SEC14L3: variants seen among roughly 807,000 people sequenced by gnomAD.
The protein encoded by SEC14L3 is SEC14-like protein 3.
A neutral mutation model predicts 57.4 loss-of-function variants in SEC14L3; 56 were observed. The ratio of observed to expected loss-of-function variants is 0.97; its 90% confidence interval spans 0.79 to 1.22. SEC14L3 has a LOEUF of 1.22. Among genes scored for constraint, SEC14L3 ranks in the 50% most tolerant of loss-of-function variants. The probability of loss-of-function intolerance (pLI) is 0.00; values close to 1 mark genes in which losing one functional copy is unlikely to be tolerated. For missense variants in SEC14L3, 485 were observed against 511.7 expected, an observed-to-expected ratio of 0.95 and a Z score of 0.50; for synonymous variants, 173 against 194.4, an observed-to-expected ratio of 0.89 and a Z score of 0.92.
At position 30,462,195 on chromosome 22, in the gene SEC14L3, G is replaced by A. The variant is rs1325693058; in HGVS notation, c.665-3C>T. On this transcript the variant is annotated splice_region_variant and splice_polypyrimidine_tract_variant and intron_variant, in intron 8 of 11. Coordinates refer to ENST00000215812, the MANE Select transcript of SEC14L3 (RefSeq NM_174975.5). ...CAGCAAACCTTCCTTCCAGTTATCT[G>A]GGAGCAGTGGGATTCAAGGGTGGTT... 3 of 1,611,132 alleles carry A rather than the reference G, an allele frequency of 1.9e-6. No individual in the cohort carries two copies. Among genetic ancestry groups the A allele is most frequent in the Non-Finnish European group, 8.5e-7 (1 of 1,178,570 alleles).
At chr22:30,465,224 C>A (rs1935381300) in intron 7 of SEC14L3, among the ~76,000 whole-genome samples, 1 of 152,124 alleles carries the variant, frequency 6.6e-6, no homozygotes, top group African/African-American at 2.4e-5. Context: ...ACCAACTATG[C>A]AACAAACCAA....
chr22:30,448,895 AAAAC>A (rs970300911), exon 13 of SEC14L3: 30 of 581,648 alleles, frequency 5.2e-5, no homozygotes, highest in Non-Finnish European at 7.5e-5. Context: ...CTGTCTCTAA[AAAAC>A]AAACAAACAA....
At chr22:30,448,797 G>C (rs1200297518) in exon 13 of SEC14L3, 2 of 317,844 alleles carry the variant, frequency 6.3e-6, no homozygotes, top group African/African-American at 4.2e-5. Flanking sequence ...GAGGCTGAGA[G>C]GGGAGAATCA....
chr22:30,466,262 G>C, intron 7 of SEC14L3, 72 bp downstream of exon 7: 1 of 1,422,166 alleles, frequency 7.0e-7, no homozygotes, highest in East Asian at 2.3e-5. Flanking sequence ...CTGGGACAAA[G>C]ACAGTGTTAT....
At position 30,459,835 on chromosome 22, in the gene SEC14L3, G is replaced by A; in HGVS notation, c.*186C>T. On this transcript the variant is annotated 3_prime_UTR_variant, in exon 12 of 12. Transcript: ENST00000215812. ...TTCTGCAACCTTGGTACCCTCCAAG[G>A]TTGTGCCTCTCATACCTTTCTTGAT... is the stretch of plus-strand genomic sequence containing the variant. The A allele has an allele frequency of 7.5e-7, 1 of 1,327,414 alleles. No individual in the cohort carries two copies. The highest frequency in any genetic ancestry group is 2.1e-5 in the South Asian group (1 of 47,146). The allele number at this position is 1,327,414 out of a possible 1,614,324, so 82.2% of individuals were successfully genotyped here. A position where few individuals can be genotyped will look rare whatever the true frequency, so the allele number is the denominator to read the frequency against.
chr22:30,462,322 G>T, intron 8 of SEC14L3, 130 bp from the exon 9 acceptor site: 1 of 1,375,322 alleles, frequency 7.3e-7, no homozygotes. Context: ...CAATTCCCCA[G>T]TGTCCTAGGC....
downstream of SEC14L3, among the ~76,000 whole-genome samples, chr22:30,456,222 C>G (rs770502334): frequency 2.7e-5 from 4 of 150,364 alleles, no homozygotes; most frequent in Non-Finnish European, 4.4e-5. Flanking sequence ...TTGCTTTAAC[C>G]CAGGAGGTGG....
At chr22:30,451,281 G>A (rs1020850714) in intron 12 of SEC14L3, among the ~76,000 whole-genome samples, 1 of 152,146 alleles carries the variant, frequency 6.6e-6, no homozygotes, top group Non-Finnish European at 1.5e-5. Flanking sequence ...TGGGGCAGGG[G>A]AGCGTGAAGA....
chr22:30,450,801 A>G (rs926152530), intron 12 of SEC14L3, among the ~76,000 whole-genome samples: 3 of 152,200 alleles, frequency 2.0e-5, no homozygotes, highest in Non-Finnish European at 4.4e-5. Context: ...ACCTTGTGCC[A>G]GGATACTTCA....
intron 11 of SEC14L3, among the ~76,000 whole-genome samples, chr22:30,460,652 G>A (rs1935223769): frequency 6.7e-6 from 1 of 149,412 alleles, no homozygotes; most frequent in Non-Finnish European, 1.5e-5. Context: ...TGACCAACAT[G>A]GAGAAACCCC....
At position 30,466,345 on chromosome 22, in the gene SEC14L3, A is replaced by C. The variant is rs1156937041; in HGVS notation, c.569T>G (p.Leu190Arg). 1 of 1,614,104 alleles carries C rather than the reference A, an allele frequency of 6.2e-7. No homozygotes were observed. Among genetic ancestry groups the C allele is most frequent in the Admixed American group, 1.7e-5 (1 of 60,024 alleles). Residue 190 changes from leucine (L) to arginine (R), a missense_variant, in exon 7 of 12, where the codon CTC becomes CGC. Coordinates refer to ENST00000215812, the MANE Select transcript of SEC14L3 (RefSeq NM_174975.5). ...ENYPETLKFM[L>R]IVKATKLFPV... ...CATTTGTCACATACCTTTCACGATG[A>C]GCATGAACTTCAGGGTCTCTGGGTA...
intron 12 of SEC14L3, among the ~76,000 whole-genome samples, chr22:30,450,062 T>G (rs114021884): frequency 0.011 from 1,644 of 152,274 alleles, 26 homozygotes; most frequent in African/African-American, 0.036. Context: ...ACACTTGTTC[T>G]TGGTTTTGTC....
rs1331097487 is a variant in SEC14L3, at chr22:30,449,162, G to GT, written c.986dup (p.Asn329LysfsTer17). On this transcript the variant is annotated frameshift_variant, in exon 13 of 13. Transcript: ENST00000403066. LOFTEE classifies it high-confidence loss of function. ...CCATTTGGTATGCCATCACTTGCGA[G>GT]TTTGAGTGTGAGTTCTGTAGCTCAT... The GT allele has an allele frequency of 1.3e-6, 2 of 1,550,626 alleles. No homozygotes were observed. The highest frequency in any genetic ancestry group is 3.9e-5 in the Admixed American group (2 of 51,000).
At chr22:30,465,871 C>A (rs1935401588) in intron 7 of SEC14L3, among the ~76,000 whole-genome samples, 1 of 152,192 alleles carries the variant, frequency 6.6e-6, no homozygotes. Context: ...CAACAATTAC[C>A]CAAATACCTA....
intron 4 of SEC14L3, among the ~76,000 whole-genome samples, chr22:30,469,746 CT>C (rs1352450904): frequency 1.3e-5 from 2 of 152,132 alleles, no homozygotes; most frequent in Non-Finnish European, 2.9e-5. Context: ...GGCAAGTTAC[CT>C]AATTTTTGCT....
At chr22:30,449,332 T>C in intron 12 of SEC14L3, 3 of 1,480,646 alleles carry the variant, frequency 2.0e-6, no homozygotes, top group Admixed American at 2.1e-5. Context: ...TACTAAGGCA[T>C]ATGCTAAGTT....
chr22:30,460,355 G>T, intron 11 of SEC14L3: 2 of 824,518 alleles, frequency 2.4e-6, no homozygotes, highest in Non-Finnish European at 2.9e-6. Context: ...ATGTGCCCAG[G>T]CATGGCTTTA....
downstream of SEC14L3, among the ~76,000 whole-genome samples, chr22:30,457,798 G>A (rs1935145604): frequency 6.6e-6 from 1 of 151,696 alleles, no homozygotes; most frequent in African/African-American, 2.4e-5. Flanking sequence ...TCAGGAAGAA[G>A]GCAGTCTTGT....
chr22:30,470,926 G>A (rs993132199), intron 1 of SEC14L3, among the ~76,000 whole-genome samples: 3 of 152,148 alleles, frequency 2.0e-5, no homozygotes, highest in Non-Finnish European at 4.4e-5. Context: ...AGATGGGTGG[G>A]TGATTGAGAG....
Sources: gnomAD v4.1 joint callset for allele counts (sites outside exome capture counted in the v4.1 genomes callset) on GRCh38, gnomAD v4.1.1 for gene constraint, MANE v1.5 for transcripts, NCBI Gene and HGNC (gene_info 2026-07-23, HGNC 2026-07-21) for gene names.